Variants in DPP6 observed in about 807,000 individuals in gnomAD.
The protein encoded by DPP6 is dipeptidyl peptidase like 6.
Under a neutral mutation model 122.6 loss-of-function variants are expected in DPP6, and 69 were observed. The observed-to-expected ratio is 0.56, with a 90% CI of 0.46 to 0.69. DPP6 has a LOEUF of 0.69. Ranked by LOEUF, DPP6 falls within the 30% of genes least tolerant of loss-of-function variation. The pLI, the probability that DPP6 is intolerant of heterozygous loss-of-function variation, is 0.00. For synonymous variants in DPP6, 418 were observed against 433.1 expected, an observed-to-expected ratio of 0.97 and a Z score of 0.43; for missense variants, 928 against 1,116.9, an observed-to-expected ratio of 0.83 and a Z score of 2.41.
chr7:154,653,243 G>C (rs1836995966), intron 6 of DPP6, among the ~76,000 whole-genome samples: 1 of 152,202 alleles, frequency 6.6e-6, no homozygotes, highest in African/African-American at 2.4e-5. Flanking sequence ...CGCCCCAACA[G>C]CTCGGGAGAC....
chr7:154,491,752 G>C (rs1006749513), intron 3 of DPP6, among the ~76,000 whole-genome samples: 12 of 152,192 alleles, frequency 7.9e-5, no homozygotes, highest in Non-Finnish European at 1.6e-4. Context: ...CGACACCACT[G>C]ACTGTGATCA....
chr7:154,584,379 G>A (rs553820636), intron 5 of DPP6, among the ~76,000 whole-genome samples: 13 of 152,324 alleles, frequency 8.5e-5, no homozygotes, highest in South Asian at 4.1e-4. Flanking sequence ...GCACACCCAC[G>A]GGGACCACAG....
chr7:154,396,337 C>A (rs1262467708), intron 1 of DPP6, among the ~76,000 whole-genome samples: 1 of 152,118 alleles, frequency 6.6e-6, no homozygotes, highest in African/African-American at 2.4e-5. Context: ...GTGATTTAAA[C>A]TCTATTTAAC....
At chr7:154,848,737 G>A (rs142797704) in intron 16 of DPP6, among the ~76,000 whole-genome samples, 67 of 152,322 alleles carry the variant, frequency 4.4e-4, no homozygotes, top group Non-Finnish European at 5.4e-4. Context: ...TCATTGCCCA[G>A]ACCAATGTCA....
intron 3 of DPP6, among the ~76,000 whole-genome samples, chr7:154,521,940 A>G (rs1189489165): frequency 6.6e-6 from 1 of 152,090 alleles, no homozygotes; most frequent in Non-Finnish European, 1.5e-5. Context: ...GAAAGGGGGA[A>G]GAAAAATATT....
At chr7:154,031,852 C>CTTT (rs1286174985) in intron 1 of DPP6, among the ~76,000 whole-genome samples, 1 of 143,740 alleles carries the variant, frequency 7.0e-6, no homozygotes. Flanking sequence ...TTCTTTTTTC[C>CTTT]TTTTTTTTGT....
At chr7:154,713,386 G>A (rs931231671) in intron 7 of DPP6, among the ~76,000 whole-genome samples, 1 of 152,228 alleles carries the variant, frequency 6.6e-6, no homozygotes, top group Admixed American at 6.5e-5. Flanking sequence ...CTGTGTGGGG[G>A]CTCTGACCCC....
intron 8 of DPP6, among the ~76,000 whole-genome samples, chr7:154,744,040 C>T (rs1395550905): frequency 2.6e-5 from 4 of 152,152 alleles, no homozygotes; most frequent in Admixed American, 6.5e-5. Flanking sequence ...TGCAGCTGAG[C>T]GGCCTTGGTG....
chr7:154,234,475 C>G (rs978075756), intron 1 of DPP6, among the ~76,000 whole-genome samples: 1 of 152,186 alleles, frequency 6.6e-6, no homozygotes, highest in African/African-American at 2.4e-5. Flanking sequence ...AGGACCCCAA[C>G]AGCCAGGCAT....
At chr7:154,573,318 A>C (rs1353483058) in intron 5 of DPP6, among the ~76,000 whole-genome samples, 1 of 152,196 alleles carries the variant, frequency 6.6e-6, no homozygotes, top group Non-Finnish European at 1.5e-5. Context: ...ACTGAAGAGC[A>C]GGGCCTGCGT....
chr7:154,260,562 C>T (rs1170058613), intron 1 of DPP6, among the ~76,000 whole-genome samples: 1 of 151,686 alleles, frequency 6.6e-6, no homozygotes, highest in Admixed American at 6.6e-5. Flanking sequence ...GTTAGTTTTC[C>T]ATTCCTGAGT....
intron 3 of DPP6, among the ~76,000 whole-genome samples, chr7:154,479,164 C>T (rs1177931325): frequency 6.6e-6 from 1 of 152,192 alleles, no homozygotes; most frequent in African/African-American, 2.4e-5. Flanking sequence ...ATTGGTACAA[C>T]AGCCTCACAT....
At chr7:154,056,861 A>G (rs942751644) in intron 1 of DPP6, among the ~76,000 whole-genome samples, 6 of 152,182 alleles carry the variant, frequency 3.9e-5, no homozygotes, top group African/African-American at 1.4e-4. Context: ...TTTATACTCT[A>G]TTACTTTTCT....
At chr7:153,788,203 A>G in the DPP6 span, among the ~76,000 whole-genome samples, 1 of 152,222 alleles carries the variant, frequency 6.6e-6, no homozygotes, top group Non-Finnish European at 1.5e-5. Flanking sequence ...ATTTCTTTCT[A>G]CATTTTGGGA....
intron 12 of DPP6, among the ~76,000 whole-genome samples, chr7:154,800,697 A>G (rs1286476259): frequency 6.6e-6 from 1 of 152,202 alleles, no homozygotes; most frequent in African/African-American, 2.4e-5. Flanking sequence ...AAGTGTTGTC[A>G]TCCAGTGTGG....
chr7:154,006,129 G>T (rs1481796472), intron 1 of DPP6, among the ~76,000 whole-genome samples: 1 of 152,302 alleles, frequency 6.6e-6, no homozygotes, highest in Middle Eastern at 3.4e-3. Flanking sequence ...GACAGGTACA[G>T]TTATGGGGAA....
chr7:154,525,973 TATCA>T (rs1827379480), intron 3 of DPP6, among the ~76,000 whole-genome samples: 1 of 152,222 alleles, frequency 6.6e-6, no homozygotes, highest in Non-Finnish European at 1.5e-5. Flanking sequence ...AGGATGTAGT[TATCA>T]TGTTGCGTAC....
At chr7:153,784,688 G>A in the DPP6 span, among the ~76,000 whole-genome samples, 2 of 152,170 alleles carry the variant, frequency 1.3e-5, no homozygotes, top group African/African-American at 4.8e-5. Flanking sequence ...ATGATATGCT[G>A]TAGGAGTCTG....
intron 1 of DPP6, among the ~76,000 whole-genome samples, chr7:154,000,592 GTC>G (rs1417265203): frequency 6.6e-6 from 1 of 152,194 alleles, no homozygotes; most frequent in Non-Finnish European, 1.5e-5. Context: ...AGAGGTTCCA[GTC>G]TCTACATCAG....
Sources: allele counts gnomAD v4.1 joint callset (sites outside exome capture counted in the v4.1 genomes callset), GRCh38; gene constraint gnomAD v4.1.1; transcripts MANE v1.5; gene names NCBI Gene and HGNC (gene_info 2026-07-23, HGNC 2026-07-21).